Variants in SLIT1 observed in about 807,000 individuals in gnomAD.
SLIT1 encodes the protein slit homolog 1 protein.
Under a neutral mutation model 186.1 loss-of-function variants are expected in SLIT1, and 66 were observed. The observed-to-expected ratio is 0.35, with a 90% CI of 0.29 to 0.44. The LOEUF (loss-of-function observed/expected upper bound fraction) is 0.44. Ranked by LOEUF, SLIT1 falls within the 20% of genes least tolerant of loss-of-function variation. The pLI is 1.00. For missense variants in SLIT1, 1,638 were observed against 2,037.4 expected, an observed-to-expected ratio of 0.80 and a Z score of 3.77; for synonymous variants, 761 against 833.8, an observed-to-expected ratio of 0.91 and a Z score of 1.50.
intron 20 of SLIT1, 98 bp downstream of exon 20, chr10:97,042,795 CATGCCAGG>C (rs1848700945): frequency 6.5e-6 from 8 of 1,237,934 alleles, no homozygotes; most frequent in Non-Finnish European, 9.1e-6. Context: ...CTCTCAGGGG[CATGCCAGG>C]GGGTGCTGCC....
rs758443860 is a variant in SLIT1 at position 97,185,660 on chromosome 10, G to A, written c.15C>T (p.Pro5=). The change falls in exon 1 of 37, where the codon CCC becomes CCT. Residue 5 remains proline, a synonymous_variant. Transcript: ENST00000266058. MALT[P]GWGSSAGPVR... is the part of the protein sequence containing the mutation. The stretch of plus-strand genomic sequence containing the variant: ...CCGGCCCCGCCGAGGACCCCCACCC[G>A]GGAGTCAGCGCCATGGTGCCCTCAC... 2.1e-5 allele frequency: 33 copies of A among 1,535,420 alleles called. No individual in the cohort carries two copies. The South Asian group carries it at 2.6e-4, about 12-fold the overall frequency.
chr10:97,119,913 G>GTATATATATATATATA (rs55656011), intron 4 of SLIT1, among the ~76,000 whole-genome samples: 909 of 56,384 alleles, frequency 0.016, 46 homozygotes, highest in Non-Finnish European at 0.022. Context: ...TTCCAAAGGG[G>GTATATATATATATATA]TATATATATA....
chr10:97,085,771 A>G (rs748087346), intron 4 of SLIT1, among the ~76,000 whole-genome samples: 5 of 152,242 alleles, frequency 3.3e-5, no homozygotes, highest in Non-Finnish European at 7.3e-5. Flanking sequence ...TGTGTTACAG[A>G]AGGGCAAGGG....
At chr10:97,044,263 G>C (rs184125033) in intron 18 of SLIT1, among the ~76,000 whole-genome samples, 291 of 152,306 alleles carry the variant, frequency 1.9e-3, no homozygotes, top group Admixed American at 3.6e-3. Flanking sequence ...AGGCATGGTG[G>C]TGTGCACTTG....
At chr10:97,149,735 CA>C (rs1229724404) in intron 4 of SLIT1, among the ~76,000 whole-genome samples, 1 of 152,122 alleles carries the variant, frequency 6.6e-6, no homozygotes, top group Non-Finnish European at 1.5e-5. Context: ...GGTTTGGGGT[CA>C]GGTGGGCCTG....
chr10:97,028,226 A>C (rs1564656779), intron 25 of SLIT1, among the ~76,000 whole-genome samples: 1 of 152,112 alleles, frequency 6.6e-6, no homozygotes, highest in East Asian at 1.9e-4. Flanking sequence ...CACTGTCCCA[A>C]CCTGGCCTAT....
Position 97,164,672 on chromosome 10 carries a change from C to T in SLIT1, c.269+147G>A, listed in dbSNP as rs75960707. Reference sequence around the variant, plus strand: ...ACTCAAGACTCAACATCACCCCACCCGACACCCCTCAGGATGTCTTGCCAA... The same window carrying T: ...ACTCAAGACTCAACATCACCCCACCTGACACCCCTCAGGATGTCTTGCCAA... On this transcript the variant is annotated intron_variant, in intron 2 of 36. Coordinates refer to ENST00000266058, the MANE Select transcript of SLIT1 (RefSeq NM_003061.3). 3.7e-4 allele frequency: 247 copies of T among 671,878 alleles called. No individual in the cohort carries two copies. The East Asian group carries it at 5.4e-3, about 15-fold the overall frequency. The allele number at this position is 671,878 out of a possible 1,614,324, so 41.6% of individuals were successfully genotyped here.
At chr10:97,075,201 G>A (rs561002801) in intron 4 of SLIT1, among the ~76,000 whole-genome samples, 8 of 152,352 alleles carry the variant, frequency 5.3e-5, no homozygotes, top group South Asian at 4.1e-4. Context: ...TCATCTGGGG[G>A]CTTAGATCCT....
chr10:97,084,586 T>C lies in SLIT1; in HGVS notation c.414-18500A>G, dbSNP rs1849138031. Among the ~76,000 whole-genome samples the C allele has an allele frequency of 2.4e-5, 3 of 126,268 alleles. 1 individual carries two copies. In the South Asian group the frequency reaches 8.5e-4, roughly 36 times the overall value. 82.8% of individuals were successfully genotyped at this position (126,268 alleles called of 152,430 possible). ...TTTCTTTTCTTTCCTTTTCTTTTAT[T>C]TTCTTTTCTTCTCTTTTCTTTTCTT... On this transcript the variant is annotated intron_variant, in intron 4 of 36. Coordinates refer to ENST00000266058, the MANE Select transcript of SLIT1 (RefSeq NM_003061.3).
intron 3 of SLIT1, among the ~76,000 whole-genome samples, chr10:97,158,459 C>T (rs1397769258): frequency 1.3e-5 from 2 of 151,842 alleles, no homozygotes; most frequent in Admixed American, 6.6e-5. Flanking sequence ...GTCAGGAGTT[C>T]GAGGCCAGCC....
intron 8 of SLIT1, among the ~76,000 whole-genome samples, chr10:97,062,302 A>G (rs555332759): frequency 1.3e-5 from 2 of 152,274 alleles, no homozygotes; most frequent in East Asian, 3.9e-4. Context: ...CTGCCAGTGC[A>G]ATGGAGGAGG....
chr10:97,117,758 C>T (rs1029882380), intron 4 of SLIT1, among the ~76,000 whole-genome samples: 2 of 152,174 alleles, frequency 1.3e-5, no homozygotes, highest in Non-Finnish European at 2.9e-5. Context: ...TCTGGCTCTC[C>T]CTGAGGACAA....
rs534825863 is a variant in SLIT1 at position 97,134,218 on chromosome 10, C to T, written c.413+23600G>A. On this transcript the variant is annotated intron_variant, in intron 4 of 36. Transcript: ENST00000266058. Reference sequence around the variant, plus strand: ...TTAGCTCACCCCATCCTGTGCCACCCACCTCCTCCCACAGCCTTTGTGTCC... The same window carrying T: ...TTAGCTCACCCCATCCTGTGCCACCTACCTCCTCCCACAGCCTTTGTGTCC... Among the ~76,000 whole-genome samples the T allele has an allele frequency of 3.3e-5, 5 of 152,278 alleles. No individual in the cohort carries two copies. In the South Asian group the frequency reaches 1.0e-3, roughly 32 times the overall value.
intron 4 of SLIT1, among the ~76,000 whole-genome samples, chr10:97,129,375 C>T (rs1481432035): frequency 1.0e-5 from 1 of 99,890 alleles, no homozygotes; most frequent in Non-Finnish European, 2.3e-5. Flanking sequence ...GACAGCAGGA[C>T]TGTGTCTCAA....
intron 23 of SLIT1, among the ~76,000 whole-genome samples, chr10:97,033,735 T>A (rs955849709): frequency 2.0e-5 from 3 of 152,166 alleles, no homozygotes; most frequent in African/African-American, 7.2e-5. Context: ...AATGCTTATG[T>A]AGATGGTAAT....
At chr10:97,171,940 T>G (rs1406793672) in intron 1 of SLIT1, among the ~76,000 whole-genome samples, 1 of 152,116 alleles carries the variant, frequency 6.6e-6, no homozygotes, top group Non-Finnish European at 1.5e-5. Context: ...GGAATGCTCC[T>G]TCCTTCCTCT....
Position 97,060,804 on chromosome 10 carries a change from G to T in SLIT1, c.794-17C>A. The T allele has an allele frequency of 1.3e-6, 2 of 1,573,364 alleles. No individual in the cohort carries two copies. Among genetic ancestry groups the T allele is most frequent in the South Asian group, 1.2e-5 (1 of 83,606 alleles). On this transcript the variant is annotated splice_polypyrimidine_tract_variant and intron_variant, in intron 8 of 36. Coordinates refer to ENST00000266058, the MANE Select transcript of SLIT1 (RefSeq NM_003061.3). ...CTCCCTGGCCTGCAGAAACAGGGGG[G>T]TGTGGCCTCAGGCTGTCATGCATCA... is the stretch of plus-strand genomic sequence containing the variant.
rs777959280 is a variant in SLIT1, at chr10:97,004,920, G to C, written c.3580-97C>G. 37 of 1,451,224 alleles carry C rather than the reference G, an allele frequency of 2.5e-5. No individual in the cohort carries two copies. The highest frequency in any genetic ancestry group is 3.3e-5 in the Non-Finnish European group (35 of 1,046,040). The allele number at this position is 1,451,224 out of a possible 1,614,324, so 89.9% of individuals were successfully genotyped here. On this transcript the variant is annotated intron_variant, in intron 32 of 36. Coordinates refer to ENST00000266058, the MANE Select transcript of SLIT1 (RefSeq NM_003061.3). This position sits in a 1 kb window ranked among gnomAD's most constrained non-coding sequence, Gnocchi z 5.1. ...AGAGGGCACCCAAGATTGGAAGAGA[G>C]ATGCTCTGTGCAGAGCGCTCTTCCC...
At chr10:97,109,703 T>A (rs1458154451) in intron 4 of SLIT1, among the ~76,000 whole-genome samples, 2 of 150,592 alleles carry the variant, frequency 1.3e-5, no homozygotes, top group African/African-American at 2.4e-5. Flanking sequence ...AGAGGAGGGG[T>A]GAGGGGCGGG....
Sources: gnomAD v4.1 joint callset for allele counts (sites outside exome capture counted in the v4.1 genomes callset) on GRCh38, gnomAD v4.1.1 for gene constraint, Gnocchi (gnomAD v3.1) non-coding constraint, MANE v1.5 for transcripts, NCBI Gene and HGNC (gene_info 2026-07-23, HGNC 2026-07-21) for gene names.